Variants in COL11A1 observed in about 807,000 individuals in gnomAD.
COL11A1 encodes collagen alpha-1(XI) chain.
A neutral mutation model predicts 265.2 loss-of-function variants in COL11A1; 74 were observed. The observed-to-expected ratio is 0.28, with a 90% confidence interval of 0.23 to 0.34. COL11A1 has a LOEUF of 0.34. Ranked by LOEUF, COL11A1 falls within the 10% of genes least tolerant of loss-of-function variation. The probability of loss-of-function intolerance (pLI) is 1.00; values close to 1 mark genes in which losing one functional copy is unlikely to be tolerated. For synonymous variants in COL11A1, 816 were observed against 727.6 expected (o/e 1.12, Z -1.96); for missense variants, 2,165 against 2,263.6 (o/e 0.96, Z 0.88).
At position 102,914,835 on chromosome 1, in the gene COL11A1, A is replaced by T. The variant is rs752867258; in HGVS notation, c.3817-24T>A. 16 of 1,540,440 alleles carry T rather than the reference A, an allele frequency of 1.0e-5. 1 individual carries two copies. In the South Asian group the frequency reaches 1.7e-4, roughly 17 times the overall value. On this transcript the variant is annotated intron_variant, in intron 50 of 66. Coordinates refer to ENST00000370096, the MANE Select transcript of COL11A1 (RefSeq NM_001854.4). ...CCCTAAACAATGTTAAAAAAAAAAAAAGAAGAAGAAGGAAAGAAGAGTTAT... is the reference window on the plus strand; with the variant it reads ...CCCTAAACAATGTTAAAAAAAAAAATAGAAGAAGAAGGAAAGAAGAGTTAT...
chr1:102,945,317 T>C (rs1187442906), intron 42 of COL11A1, among the ~76,000 whole-genome samples: 1 of 150,774 alleles, frequency 6.6e-6, no homozygotes. Flanking sequence ...TACCATGGGA[T>C]GATGTGCCAA....
chr1:102,955,454 C>A (rs1175604715), intron 41 of COL11A1, among the ~76,000 whole-genome samples: 1 of 152,118 alleles, frequency 6.6e-6, no homozygotes, highest in Non-Finnish European at 1.5e-5. Context: ...ATATTCTGTA[C>A]CAGCTATCTG....
chr1:102,961,968 A>G, intron 40 of COL11A1, 49 bp from the exon 41 acceptor site: 1 of 1,526,234 alleles, frequency 6.6e-7, no homozygotes. Flanking sequence ...TGAATTGAAT[A>G]CCAATAGGAG....
rs1287397345 is a variant in COL11A1, at chr1:102,961,916, C to T, written c.3118G>A (p.Ala1040Thr). Residue 1040 changes from alanine to threonine, a missense_variant, in exon 41 of 67, where the codon GCA (alanine) becomes ACA (threonine). Transcript: ENST00000370096. ...CCTTCCCCTCCTTTCAGTCCAGGTGCACCCTGGGAAAAGTGAAAAAAATAA... is the reference window on the plus strand; with the variant it reads ...CCTTCCCCTCCTTTCAGTCCAGGTGTACCCTGGGAAAAGTGAAAAAAATAA... ...GERGLPGAQG[A>T]PGLKGGEGPQ... is the part of the protein sequence containing the mutation. 1 of 1,612,726 alleles carries T rather than the reference C, an allele frequency of 6.2e-7. No individual in the cohort carries two copies. Among genetic ancestry groups the T allele is most frequent in the South Asian group, 1.1e-5 (1 of 90,778 alleles).
intron 41 of COL11A1, among the ~76,000 whole-genome samples, chr1:102,958,287 G>C (rs961673261): frequency 1.3e-5 from 2 of 149,578 alleles, no homozygotes; most frequent in African/African-American, 4.9e-5. Flanking sequence ...AGCAGAACTT[G>C]TTACCTTTTA....
At position 103,055,009 on chromosome 1, in the gene COL11A1, A is replaced by C. The variant is rs545216152; in HGVS notation, c.651+19609T>G. Among the ~76,000 whole-genome samples the C allele has an allele frequency of 4.6e-5, 7 of 152,314 alleles. No individual in the cohort carries two copies. In the South Asian group the frequency reaches 1.5e-3, roughly 32 times the overall value. ...TAATTTAATTTCCAAACGGCTCTAT[A>C]GGATGCATAGCACTGTTATTCCATT... On this transcript the variant is annotated intron_variant, in intron 4 of 66. Transcript: ENST00000370096.
chr1:102,960,430 A>G (rs1394398906), intron 41 of COL11A1, among the ~76,000 whole-genome samples: 1 of 151,936 alleles, frequency 6.6e-6, no homozygotes, highest in Admixed American at 6.6e-5. Flanking sequence ...ACAGCCAACT[A>G]TATTCCAATG....
At chr1:103,041,013 TTA>T (rs1668770641) in intron 4 of COL11A1, among the ~76,000 whole-genome samples, 1 of 151,842 alleles carries the variant, frequency 6.6e-6, no homozygotes, top group Non-Finnish European at 1.5e-5. Context: ...TTTTATATTT[TTA>T]TTTTGAATTG....
At chr1:102,937,967 G>T (rs578256682) in intron 44 of COL11A1, among the ~76,000 whole-genome samples, 61 of 152,268 alleles carry the variant, frequency 4.0e-4, no homozygotes, top group African/African-American at 1.4e-3. Context: ...GCATGGATCT[G>T]GAGTATCAGT....
rs1289260272 is a variant in COL11A1, at chr1:102,886,791, T to C, written c.4858+16A>G. On this transcript the variant is annotated intron_variant, in intron 63 of 66. Coordinates refer to ENST00000370096, the MANE Select transcript of COL11A1 (RefSeq NM_001854.4). ...GGGGCTCGGTACATTTGCTTTGTCA[T>C]GTATTATTTACATACCATCTGGGAA... 1.2e-6 allele frequency: 2 copies of C among 1,613,654 alleles called. No individual in the cohort carries two copies. Among genetic ancestry groups the C allele is most frequent in the Admixed American group, 1.7e-5 (1 of 59,980 alleles).
At chr1:103,075,387 G>A (rs1335478730) in intron 3 of COL11A1, among the ~76,000 whole-genome samples, 1 of 152,094 alleles carries the variant, frequency 6.6e-6, no homozygotes, top group African/African-American at 2.4e-5. Context: ...CTGTAGGCAG[G>A]ATCCAAGACT....
At chr1:103,004,234 C>G (rs535503821) in intron 20 of COL11A1, among the ~76,000 whole-genome samples, 8 of 152,180 alleles carry the variant, frequency 5.3e-5, no homozygotes, top group African/African-American at 1.2e-4. Context: ...TTACATTCCA[C>G]AGATTTTTCC....
intron 46 of COL11A1, among the ~76,000 whole-genome samples, chr1:102,929,363 G>T (rs1338814360): frequency 6.6e-6 from 1 of 152,054 alleles, no homozygotes; most frequent in Non-Finnish European, 1.5e-5. Context: ...TTTCCCCATT[G>T]TTTGTTTTTC....
At chr1:102,973,341 A>C (rs187449519) in intron 36 of COL11A1, among the ~76,000 whole-genome samples, 157 of 152,284 alleles carry the variant, frequency 1.0e-3, no homozygotes, top group African/African-American at 3.7e-3. Flanking sequence ...TCAATGGCTC[A>C]AAACATGTTG....
intron 3 of COL11A1, among the ~76,000 whole-genome samples, chr1:103,077,612 G>A (rs1672077455): frequency 6.6e-6 from 1 of 152,008 alleles, no homozygotes; most frequent in South Asian, 2.1e-4. Flanking sequence ...AATGATCACT[G>A]CTACTTCCTT....
intron 1 of COL11A1, among the ~76,000 whole-genome samples, chr1:103,107,146 G>A (rs1250970212): frequency 6.6e-6 from 1 of 152,064 alleles, no homozygotes; most frequent in Non-Finnish European, 1.5e-5. Flanking sequence ...GCGGAGGGGA[G>A]GAGTGAAGTC....
intron 3 of COL11A1, among the ~76,000 whole-genome samples, chr1:103,077,456 A>G (rs1672062430): frequency 6.6e-6 from 1 of 152,090 alleles, no homozygotes; most frequent in South Asian, 2.1e-4. Context: ...CTAACAGTCA[A>G]AAAAAGAAAC....
rs1312510328 is a variant in COL11A1 at position 102,888,566 on chromosome 1, C to T, written c.4608+11G>A. 6.2e-7 allele frequency: 1 copy of T among 1,610,852 alleles called. No homozygotes were observed. The highest frequency in any genetic ancestry group is 1.1e-5 in the South Asian group (1 of 91,038). ...ACTGTCAGAACATCACTCTTGTTAA[C>T]ATATACTTACTGGAGACCCAGGAGG... On this transcript the variant is annotated intron_variant, in intron 62 of 66. Transcript: ENST00000370096.
At chr1:103,000,919 A>G (rs984825253) in intron 24 of COL11A1, 2 of 364,968 alleles carry the variant, frequency 5.5e-6, no homozygotes, top group African/African-American at 4.2e-5. Flanking sequence ...ATACTATGAG[A>G]ACAAAATAAG....
Sources: gnomAD v4.1 joint callset for allele counts (sites outside exome capture counted in the v4.1 genomes callset) on GRCh38, gnomAD v4.1.1 for gene constraint, MANE v1.5 for transcripts, NCBI Gene and HGNC (gene_info 2026-07-23, HGNC 2026-07-21) for gene names.